The following CDH18 variants were observed in gnomAD, a reference collection of about 807,000 sequenced individuals.
The protein encoded by CDH18 is cadherin-18.
Under a neutral mutation model 67.9 loss-of-function variants are expected in CDH18, and 31 were observed. The observed-to-expected ratio is 0.46, with a 90% CI of 0.34 to 0.62. The LOEUF (loss-of-function observed/expected upper bound fraction) is 0.62. CDH18 is among the 20% of genes least tolerant of loss of function. CDH18 has a pLI of 0.01. For synonymous variants in CDH18, 362 were observed against 347.2 expected (o/e 1.04, Z -0.48); for missense variants, 890 against 975.5 (o/e 0.91, Z 1.17).
In CDH18 at chr5:19,502,939, T is replaced by C. The variant is rs986614756; in HGVS notation, c.1630+53A>G. 4.0e-6 allele frequency: 4 copies of C among 1,011,096 alleles called. No homozygotes were observed. The African/African-American group carries it at 4.7e-5, about 12-fold the overall frequency. The allele number at this position is 1,011,096 out of a possible 1,614,324, so 62.6% of individuals were successfully genotyped here. On this transcript the variant is annotated intron_variant, in intron 11 of 12. Coordinates refer to ENST00000382275, the MANE Select transcript of CDH18 (RefSeq NM_004934.5). ...ATATAAGAATAAAGCCTATTACATA[T>C]AAGGTCAAAGCAGATACCACATAGA...
intron 5 of CDH18, among the ~76,000 whole-genome samples, chr5:19,637,802 C>A (rs1753383065): frequency 6.6e-6 from 1 of 152,094 alleles, no homozygotes; most frequent in South Asian, 2.1e-4. Flanking sequence ...GATATAAATT[C>A]CCAATTTTCT....
At chr5:20,168,214 G>A (rs1393918696) in intron 2 of CDH18, among the ~76,000 whole-genome samples, 6 of 151,888 alleles carry the variant, frequency 4.0e-5, no homozygotes, top group Non-Finnish European at 5.9e-5. Context: ...TGACCAATAC[G>A]CAACATAACT....
intron 1 of CDH18, among the ~76,000 whole-genome samples, chr5:20,524,920 G>A (rs1449663016): frequency 6.6e-6 from 1 of 152,152 alleles, no homozygotes; most frequent in African/African-American, 2.4e-5. Context: ...AAGAAGAGAA[G>A]ATAGCAACAA....
Position 19,472,803 on chromosome 5 carries a change from TTAC to T in CDH18, c.*420_*422del. ...AGAAAAGTGATAAAAGAGGTTGTGA[TTAC>T]CTTCACAAGTTTCCTGTATTAGTGT... On this transcript the variant is annotated 3_prime_UTR_variant, in exon 13 of 13. Coordinates refer to ENST00000382275, the MANE Select transcript of CDH18 (RefSeq NM_004934.5). The T allele has an allele frequency of 1.2e-5, 2 of 163,142 alleles. No homozygotes were observed. The highest frequency in any genetic ancestry group is 5.7e-5 in the Admixed American group (1 of 17,396). 10.1% of individuals were successfully genotyped at this position (163,142 alleles called of 1,614,324 possible).
chr5:19,579,666 T>C (rs1008995233), intron 7 of CDH18, among the ~76,000 whole-genome samples: 2 of 151,988 alleles, frequency 1.3e-5, no homozygotes, highest in East Asian at 1.9e-4. Flanking sequence ...CTCGGACTTA[T>C]ATTTTTTCAT....
chr5:20,488,804 G>T (rs1753385684), intron 1 of CDH18, among the ~76,000 whole-genome samples: 1 of 151,292 alleles, frequency 6.6e-6, no homozygotes, highest in South Asian at 2.1e-4. Flanking sequence ...GTAAACCTAA[G>T]ACCTTAGAGA....
intron 5 of CDH18, among the ~76,000 whole-genome samples, chr5:19,697,554 C>T (rs1762686931): frequency 6.6e-6 from 1 of 152,030 alleles, no homozygotes. Flanking sequence ...TAAACTCTGA[C>T]TATACTTTCT....
intron 2 of CDH18, among the ~76,000 whole-genome samples, chr5:20,168,950 T>C (rs1736494673): frequency 6.6e-6 from 1 of 152,056 alleles, no homozygotes; most frequent in Admixed American, 6.6e-5. Flanking sequence ...TGAACATAGA[T>C]AGCAGAAGGA....
intron 3 of CDH18, among the ~76,000 whole-genome samples, chr5:19,767,288 G>A (rs908171997): frequency 4.6e-5 from 7 of 151,702 alleles, no homozygotes; most frequent in African/African-American, 1.5e-4. Context: ...CAAATAATAC[G>A]TATGACAAAC....
chr5:20,010,205 T>G (rs894325020), intron 2 of CDH18, among the ~76,000 whole-genome samples: 6 of 149,572 alleles, frequency 4.0e-5, no homozygotes, highest in African/African-American at 1.2e-4. Flanking sequence ...CTCTACCATC[T>G]TCCATCTCTT....
chr5:20,357,131 T>C (rs1741701630), intron 1 of CDH18, among the ~76,000 whole-genome samples: 2 of 151,936 alleles, frequency 1.3e-5, no homozygotes, highest in South Asian at 4.1e-4. Context: ...AAAAATCAGA[T>C]GGCTTTTAAT....
intron 2 of CDH18, among the ~76,000 whole-genome samples, chr5:20,103,569 C>CAAAA (rs139801417): frequency 9.8e-6 from 1 of 102,122 alleles, no homozygotes; most frequent in Non-Finnish European, 1.9e-5. Context: ...ACTAAAAATA[C>CAAAA]AAAAAAAAAA....
chr5:20,158,374 T>C (rs1390852200), intron 2 of CDH18, among the ~76,000 whole-genome samples: 3 of 152,196 alleles, frequency 2.0e-5, no homozygotes, highest in African/African-American at 7.2e-5. Flanking sequence ...ATAAAGTCTT[T>C]GTTGAGAACT....
At chr5:20,351,748 G>A (rs889525351) in intron 1 of CDH18, among the ~76,000 whole-genome samples, 7 of 152,080 alleles carry the variant, frequency 4.6e-5, no homozygotes, top group Admixed American at 1.3e-4. Flanking sequence ...TGCTGCCACC[G>A]GTTGGCTATT....
chr5:19,536,384 A>C (rs1350713475), intron 9 of CDH18, among the ~76,000 whole-genome samples: 1 of 152,216 alleles, frequency 6.6e-6, no homozygotes, highest in African/African-American at 2.4e-5. Context: ...TGAAAGATGA[A>C]AGGGTTATGA....
chr5:19,939,034 T>G (rs1321665972), intron 2 of CDH18, among the ~76,000 whole-genome samples: 1 of 151,164 alleles, frequency 6.6e-6, no homozygotes, highest in Admixed American at 6.6e-5. Flanking sequence ...CCAAATGTAT[T>G]TAATTACATT....
chr5:20,198,651 G>A (rs1739185469), intron 2 of CDH18, among the ~76,000 whole-genome samples: 1 of 152,142 alleles, frequency 6.6e-6, no homozygotes, highest in Non-Finnish European at 1.5e-5. Context: ...TAAATAACAA[G>A]GAGCCATAGG....
At chr5:20,453,581 GTGTGTGTGTGTATATGTATATATA>G (rs1244392054) in intron 1 of CDH18, among the ~76,000 whole-genome samples, 2 of 151,672 alleles carry the variant, frequency 1.3e-5, no homozygotes, top group Non-Finnish European at 2.9e-5. Flanking sequence ...ATATGTGTGT[GTGTGTGTGTGTATATGTATATATA>G]TGTGTGTGTG....
At chr5:20,564,578 C>G (rs937921947) in intron 1 of CDH18, among the ~76,000 whole-genome samples, 2 of 152,144 alleles carry the variant, frequency 1.3e-5, no homozygotes, top group Non-Finnish European at 1.5e-5. Context: ...ACTCAAATAT[C>G]AAGTGCTCTG....
Sources: allele counts gnomAD v4.1 joint callset (sites outside exome capture counted in the v4.1 genomes callset), GRCh38; gene constraint gnomAD v4.1.1; transcripts MANE v1.5; gene names NCBI Gene and HGNC (gene_info 2026-07-23, HGNC 2026-07-21).